The following PRKN variants were observed in gnomAD, a reference collection of about 807,000 sequenced individuals.
PRKN encodes the protein E3 ubiquitin-protein ligase parkin.
Under a neutral mutation model 59.5 loss-of-function variants are expected in PRKN, and 56 were observed. That is an observed-to-expected ratio of 0.94 (90% CI 0.76 to 1.18). The LOEUF is 1.18. PRKN is among the 50% of genes most tolerant of loss of function. PRKN has a pLI of 0.00. For missense variants in PRKN, 657 were observed against 596.4 expected (o/e 1.10, Z -1.06); for synonymous variants, 250 against 222.1 (o/e 1.13, Z -1.12).
chr6:162,153,241 C>T (rs1782351155), intron 4 of PRKN, among the ~76,000 whole-genome samples: 1 of 152,242 alleles, frequency 6.6e-6, no homozygotes. Flanking sequence ...TCGGCACCAG[C>T]AGGAACAAAC....
chr6:162,439,362 C>T (rs1409053590), intron 2 of PRKN, among the ~76,000 whole-genome samples: 1 of 135,348 alleles, frequency 7.4e-6, no homozygotes, highest in South Asian at 2.5e-4. Flanking sequence ...CTCTCTCTCT[C>T]TCTGCCCCTC....
chr6:161,920,314 G>T (rs548787402), intron 6 of PRKN, among the ~76,000 whole-genome samples: 18 of 152,158 alleles, frequency 1.2e-4, no homozygotes, highest in African/African-American at 4.3e-4. Flanking sequence ...AACCTAGGAG[G>T]TGGAGGTTGC....
chr6:161,703,839 CTTTTTTTTTTTTTTTTTTTTTTTT>C (rs71004062), intron 7 of PRKN, among the ~76,000 whole-genome samples: 1 of 59,842 alleles, frequency 1.7e-5, no homozygotes, highest in Non-Finnish European at 3.2e-5. Flanking sequence ...CTCTCTCTCT[CTTTTTTTTTTTTTTTTTTTTTTTT>C]TTTTTTTTTT....
In PRKN at chr6:161,546,898, A is replaced by G. The variant is rs1472891090; in HGVS notation, c.1083+1956T>C. 6.6e-6 allele frequency among the ~76,000 whole-genome samples: 1 copy of G among 152,136 alleles called. No homozygotes were observed. Among genetic ancestry groups the G allele is most frequent in the African/African-American group, 2.4e-5 (1 of 41,430 alleles). On this transcript the variant is annotated intron_variant, in intron 9 of 11. Coordinates refer to ENST00000366898, the MANE Select transcript of PRKN (RefSeq NM_004562.3). This position sits in a 1 kb window ranked among gnomAD's most constrained non-coding sequence, Gnocchi z 4.4. ...TGGTGAGGAACTGTGGCCTTCTGAC[A>G]ACAGCCAGTGAGGAACTGAGGACTT...
intron 6 of PRKN, among the ~76,000 whole-genome samples, chr6:161,946,414 A>ACACACACACACACACACTCTCTCTCT (rs1247187053): frequency 3.5e-5 from 4 of 114,374 alleles, no homozygotes; most frequent in South Asian, 3.6e-4. Flanking sequence ...ACACACACAC[A>ACACACACACACACACACTCTCTCTCT]CTCTCTCTCT....
chr6:162,406,356 A>G (rs1422025264), intron 2 of PRKN, among the ~76,000 whole-genome samples: 3 of 152,178 alleles, frequency 2.0e-5, no homozygotes, highest in African/African-American at 7.2e-5. Flanking sequence ...TACTGCATGA[A>G]CAGTACTCTT....
intron 4 of PRKN, among the ~76,000 whole-genome samples, chr6:162,093,879 C>A (rs1172977826): frequency 2.6e-5 from 4 of 152,180 alleles, no homozygotes; most frequent in Non-Finnish European, 5.9e-5. Context: ...TGAGCACATG[C>A]AGACTCAGAA....
rs572154587 is a variant in PRKN at position 161,623,199 on chromosome 6, A to G, written c.872-53783T>C. Among the ~76,000 whole-genome samples, 9 of 152,358 alleles carry G rather than the reference A, an allele frequency of 5.9e-5. No individual in the cohort carries two copies. In the East Asian group the frequency reaches 1.7e-3, roughly 29 times the overall value. Reference sequence around the variant, plus strand: ...GGCACCTGCCAAGACCCTTAACCACAGAAGTCTGAGATATCCCCAAGCTGG... The same window carrying G: ...GGCACCTGCCAAGACCCTTAACCACGGAAGTCTGAGATATCCCCAAGCTGG... On this transcript the variant is annotated intron_variant, in intron 7 of 11. Coordinates refer to ENST00000366898, the MANE Select transcript of PRKN (RefSeq NM_004562.3).
At chr6:162,272,106 T>C (rs994354864) in intron 2 of PRKN, among the ~76,000 whole-genome samples, 5 of 151,918 alleles carry the variant, frequency 3.3e-5, no homozygotes, top group Non-Finnish European at 7.4e-5. Flanking sequence ...AGGGGCTCCA[T>C]AGGGGGCGGG....
chr6:162,392,146 C>CAA (rs558240602), intron 2 of PRKN, among the ~76,000 whole-genome samples: 2 of 144,384 alleles, frequency 1.4e-5, no homozygotes, highest in African/African-American at 5.1e-5. Context: ...AAATCTTTTA[C>CAA]AAAAAAAAAA....
intron 1 of PRKN, among the ~76,000 whole-genome samples, chr6:162,475,300 T>A (rs1235727700): frequency 6.6e-6 from 1 of 152,154 alleles, no homozygotes; most frequent in Non-Finnish European, 1.5e-5. Flanking sequence ...TATAAGGACA[T>A]CTAAGAATTA....
In PRKN at chr6:161,454,735, A is replaced by T. The variant is rs1789887728; in HGVS notation, c.1084-67858T>A. ...GGGCTACTGAAGTCCCATTAGGTTGACTACTTTCTGGAGGCCAATTGCACT... is the reference window on the plus strand; with the variant it reads ...GGGCTACTGAAGTCCCATTAGGTTGTCTACTTTCTGGAGGCCAATTGCACT... On this transcript the variant is annotated intron_variant, in intron 9 of 11. Coordinates refer to ENST00000366898, the MANE Select transcript of PRKN (RefSeq NM_004562.3). This position sits in a 1 kb window ranked among gnomAD's most constrained non-coding sequence, Gnocchi z 4.6. 6.6e-6 allele frequency among the ~76,000 whole-genome samples: 1 copy of T among 152,180 alleles called. No homozygotes were observed. The highest frequency in any genetic ancestry group is 2.1e-4 in the South Asian group (1 of 4,828).
intron 7 of PRKN, among the ~76,000 whole-genome samples, chr6:161,684,636 G>A (rs1037579940): frequency 2.6e-5 from 4 of 151,874 alleles, no homozygotes; most frequent in Non-Finnish European, 5.9e-5. Flanking sequence ...GAAATGACCT[G>A]GAAATAATGA....
chr6:161,518,041 G>C lies in PRKN; in HGVS notation c.1083+30813C>G, dbSNP rs1778679942. Among the ~76,000 whole-genome samples, 1 of 152,214 alleles carries C rather than the reference G, an allele frequency of 6.6e-6. No homozygotes were observed. The highest frequency in any genetic ancestry group is 2.1e-4 in the South Asian group (1 of 4,828). On this transcript the variant is annotated intron_variant, in intron 9 of 11. Transcript: ENST00000366898. This position sits in a 1 kb window ranked among gnomAD's most constrained non-coding sequence, Gnocchi z 5.0. ...ACTGGCAGAAGTTGGCTGCACAGTG[G>C]CTTCAAGCTGGAGGGAGATTTGGCT...
intron 2 of PRKN, among the ~76,000 whole-genome samples, chr6:162,370,018 C>A (rs768698809): frequency 1.3e-5 from 2 of 152,224 alleles, no homozygotes; most frequent in Non-Finnish European, 2.9e-5. Context: ...GCCTCTCTAT[C>A]ATCAAGTGGC....
intron 1 of PRKN, among the ~76,000 whole-genome samples, chr6:162,480,814 C>CT (rs200875341): frequency 7.3e-5 from 11 of 151,214 alleles, no homozygotes; most frequent in African/African-American, 1.5e-4. Flanking sequence ...AACTGATTCT[C>CT]TTTTTTTTTA....
chr6:162,674,557 C>T (rs534827335), intron 1 of PRKN, among the ~76,000 whole-genome samples: 2 of 152,148 alleles, frequency 1.3e-5, no homozygotes, highest in Non-Finnish European at 2.9e-5. Flanking sequence ...TGGTTGAACA[C>T]TGTGTGATAG....
chr6:162,630,937 C>A (rs1783088102), intron 1 of PRKN, among the ~76,000 whole-genome samples: 1 of 152,056 alleles, frequency 6.6e-6, no homozygotes, highest in Non-Finnish European at 1.5e-5. Context: ...TTTTATAGAA[C>A]CATTTGCCCA....
intron 2 of PRKN, among the ~76,000 whole-genome samples, chr6:162,411,062 T>C (rs1788332208): frequency 1.3e-5 from 2 of 152,292 alleles, no homozygotes; most frequent in South Asian, 2.1e-4. Context: ...GGTTTCACAG[T>C]GATCTACCTA....
Sources: gnomAD v4.1 joint callset for allele counts (sites outside exome capture counted in the v4.1 genomes callset) on GRCh38, gnomAD v4.1.1 for gene constraint, Gnocchi (gnomAD v3.1) non-coding constraint, MANE v1.5 for transcripts, NCBI Gene and HGNC (gene_info 2026-07-23, HGNC 2026-07-21) for gene names.